Variants in MIPOL1 observed in about 807,000 individuals in gnomAD.
The protein encoded by MIPOL1 is mirror-image polydactyly 1.
In MIPOL1, 57 loss-of-function variants were observed where a neutral mutation model predicts 60.9. The ratio of observed to expected loss-of-function variants is 0.94; its 90% CI spans 0.76 to 1.17. MIPOL1 has a LOEUF of 1.17. Among genes scored for constraint, MIPOL1 ranks in the 50% most tolerant of loss-of-function variants. The pLI, the probability that MIPOL1 is intolerant of heterozygous loss-of-function variation, is 0.00. For synonymous variants in MIPOL1, 179 were observed against 168.8 expected (o/e 1.06, Z -0.47); for missense variants, 551 against 511.6 (o/e 1.08, Z -0.74).
chr14:37,379,469 C>T (rs192449820), intron 10 of MIPOL1, among the ~76,000 whole-genome samples: 1 of 151,914 alleles, frequency 6.6e-6, no homozygotes, highest in Non-Finnish European at 1.5e-5. Flanking sequence ...TAAGCTGGGC[C>T]TAATAAAAAT....
chr14:37,419,681 G>A (rs565082505), intron 10 of MIPOL1, among the ~76,000 whole-genome samples: 6 of 151,948 alleles, frequency 3.9e-5, no homozygotes, highest in South Asian at 2.1e-4. Flanking sequence ...TTTCTTTGGC[G>A]CTGGGAAGGA....
At chr14:37,277,555 T>C (rs1446095330) in intron 6 of MIPOL1, 1 of 151,292 alleles carries the variant, frequency 6.6e-6, no homozygotes, top group Non-Finnish European at 1.5e-5. Context: ...TACATGTGTA[T>C]AGTAATCGAG....
intron 12 of MIPOL1, among the ~76,000 whole-genome samples, chr14:37,519,260 T>C (rs1330642811): frequency 6.6e-6 from 1 of 152,118 alleles, no homozygotes; most frequent in East Asian, 1.9e-4. Flanking sequence ...GGATTTAGGA[T>C]AGCAACTGCC....
intron 9 of MIPOL1, among the ~76,000 whole-genome samples, chr14:37,347,892 T>C (rs1279688063): frequency 1.3e-5 from 2 of 152,224 alleles, no homozygotes; most frequent in Non-Finnish European, 2.9e-5. Context: ...AAAATAACTT[T>C]TTTTTCTTCG....
At chr14:37,249,175 A>G (rs184885554) in intron 3 of MIPOL1, among the ~76,000 whole-genome samples, 47 of 152,260 alleles carry the variant, frequency 3.1e-4, no homozygotes, top group African/African-American at 1.1e-3. Context: ...GAAAACTTAA[A>G]CCTTTATGTA....
chr14:37,526,431 G>A (rs1198847290), intron 12 of MIPOL1, among the ~76,000 whole-genome samples: 3 of 148,416 alleles, frequency 2.0e-5, no homozygotes, highest in Admixed American at 6.7e-5. Context: ...GTGCAGTGGC[G>A]CAATCTCGGC....
intron 1 of MIPOL1, among the ~76,000 whole-genome samples, chr14:37,246,359 C>A (rs1436577539): frequency 6.6e-6 from 1 of 151,998 alleles, no homozygotes. Flanking sequence ...TTGGACAAAT[C>A]ATTAATTATC....
chr14:37,305,227 C>T (rs376615819), intron 7 of MIPOL1, among the ~76,000 whole-genome samples: 7 of 151,810 alleles, frequency 4.6e-5, no homozygotes, highest in African/African-American at 1.7e-4. Context: ...TTTGTTGATT[C>T]CTAATCTTTA....
chr14:37,391,958 TTAAA>T lies in MIPOL1; in HGVS notation c.936+22337_936+22340del, dbSNP rs1367816382. ...GGGAAAGTGATATAATAGGATATAC[TTAAA>T]TAGTCTAAATTAAATATTAAAGTAA... On this transcript the variant is annotated intron_variant, in intron 10 of 12. Transcript: ENST00000684589. 3.3e-5 allele frequency among the ~76,000 whole-genome samples: 5 copies of T among 152,252 alleles called. No homozygotes were observed. The East Asian group carries it at 5.8e-4, about 18-fold the overall frequency.
At chr14:37,491,144 A>T (rs1186014734) in intron 11 of MIPOL1, among the ~76,000 whole-genome samples, 1 of 152,174 alleles carries the variant, frequency 6.6e-6, no homozygotes. Context: ...TCTGCTTCCC[A>T]CATCACCAAA....
intron 11 of MIPOL1, among the ~76,000 whole-genome samples, chr14:37,435,402 A>C (rs887583039): frequency 6.6e-6 from 1 of 152,132 alleles, no homozygotes; most frequent in African/African-American, 2.4e-5. Context: ...TATCTAAAAT[A>C]GTGTACCCTC....
intron 12 of MIPOL1, chr14:37,504,774 A>G (rs1433202929): frequency 2.0e-5 from 3 of 152,232 alleles, no homozygotes; most frequent in Non-Finnish European, 4.4e-5. Context: ...ACTGAAGAAG[A>G]TGGAGACGCA....
intron 11 of MIPOL1, among the ~76,000 whole-genome samples, chr14:37,465,451 A>G (rs1566654186): frequency 6.6e-6 from 1 of 152,184 alleles, no homozygotes; most frequent in Admixed American, 6.5e-5. Context: ...AACACAAGGT[A>G]AAATAAGCAG....
At chr14:37,391,849 A>T (rs1225482689) in intron 10 of MIPOL1, among the ~76,000 whole-genome samples, 2 of 152,176 alleles carry the variant, frequency 1.3e-5, no homozygotes, top group Non-Finnish European at 2.9e-5. Context: ...TTTATATTAG[A>T]CTGTTATAAG....
chr14:37,202,472 G>A lies in MIPOL1; in HGVS notation c.-199+4368G>A, dbSNP rs1278846692. Among the ~76,000 whole-genome samples, 5 of 152,000 alleles carry A rather than the reference G, an allele frequency of 3.3e-5. No homozygotes were observed. In the East Asian group the frequency reaches 5.8e-4, roughly 18 times the overall value. On this transcript the variant is annotated intron_variant, in intron 1 of 12. Coordinates refer to ENST00000684589, the MANE Select transcript of MIPOL1 (RefSeq NM_001388067.1). ...TATAAGTCCCACACAAAGCAATTGT[G>A]TTCATATGCGTGTTTTTCATGGCAC...
intron 7 of MIPOL1, among the ~76,000 whole-genome samples, chr14:37,299,156 A>G (rs1239580387): frequency 6.6e-6 from 1 of 152,172 alleles, no homozygotes; most frequent in Non-Finnish European, 1.5e-5. Context: ...AGGGACATGG[A>G]TGAAGCTGGA....
chr14:37,369,687 T>C, intron 10 of MIPOL1, 63 bp downstream of exon 10: 2 of 1,220,010 alleles, frequency 1.6e-6, no homozygotes, highest in South Asian at 2.5e-5. Context: ...CAGCTTTCTG[T>C]GCTGCATATA....
At chr14:37,369,772 C>G (rs1314004294) in intron 10 of MIPOL1, 148 bp downstream of exon 10, 1 of 474,292 alleles carries the variant, frequency 2.1e-6, no homozygotes, top group Non-Finnish European at 3.8e-6. Context: ...AGATACAGCA[C>G]CCTTTTGTTA....
chr14:37,402,454 T>C (rs914874457), intron 10 of MIPOL1, among the ~76,000 whole-genome samples: 2 of 152,110 alleles, frequency 1.3e-5, no homozygotes, highest in African/African-American at 2.4e-5. Context: ...AGTCTGCCAA[T>C]GAGCAAAATA....
Sources: allele counts gnomAD v4.1 joint callset (sites outside exome capture counted in the v4.1 genomes callset), GRCh38; gene constraint gnomAD v4.1.1; transcripts MANE v1.5; gene names NCBI Gene and HGNC (gene_info 2026-07-23, HGNC 2026-07-21).